Variants in TRIM39 observed in about 807,000 individuals in gnomAD.
TRIM39 encodes the protein tripartite motif containing 39.
TRIM39 carries 5 observed loss-of-function variants against 53.6 expected under a neutral mutation model. That is an observed-to-expected ratio of 0.09 (90% CI 0.05 to 0.20). The LOEUF (loss-of-function observed/expected upper bound fraction) is 0.20. Ranked by LOEUF, TRIM39 falls within the 10% of genes least tolerant of loss-of-function variation. TRIM39 has a pLI of 1.00. For synonymous variants in TRIM39, 196 were observed against 237.6 expected (o/e 0.82, Z 1.61); for missense variants, 310 against 621.0 (o/e 0.50, Z 5.32).
In TRIM39 at chr6:30,330,772, AC is replaced by A. The variant is rs1369830319; in HGVS notation, c.454-5del. On this transcript the variant is annotated splice_polypyrimidine_tract_variant and splice_region_variant and intron_variant, in intron 3 of 7. Coordinates refer to ENST00000396551, the Ensembl canonical transcript of TRIM39. ...ATGTCACCTCTCCCACTTCCTCCCTACCCCTCAGGAAAAACTGCAGAAGTGT... is the reference window on the plus strand; with the variant it reads ...ATGTCACCTCTCCCACTTCCTCCCTACCCTCAGGAAAAACTGCAGAAGTGT... The A allele has an allele frequency of 6.2e-7, 1 of 1,614,000 alleles. No homozygotes were observed. Among genetic ancestry groups the A allele is most frequent in the Non-Finnish European group, 8.5e-7 (1 of 1,179,940 alleles).
At chr6:30,331,791 A>G (rs1418055209) in intron 4 of TRIM39, among the ~76,000 whole-genome samples, 1 of 152,068 alleles carries the variant, frequency 6.6e-6, no homozygotes, top group East Asian at 1.9e-4. Context: ...TTTTCATACA[A>G]TTTTGCACCT....
chr6:30,338,523 T>A lies in TRIM39; in HGVS notation c.781-1385T>A, dbSNP rs932496344. ...ATATATTTATCGATTAAGTTGTTCG[T>A]CTTATATGGATGCAGTTCACAGTGC... On this transcript the variant is annotated intron_variant, in intron 5 of 7. Coordinates refer to ENST00000396551, the Ensembl canonical transcript of TRIM39. The surrounding 1 kb of genome is among the most constrained non-coding windows in gnomAD (Gnocchi z 4.0). 6.6e-6 allele frequency among the ~76,000 whole-genome samples: 1 copy of A among 151,196 alleles called. No individual in the cohort carries two copies. Among genetic ancestry groups the A allele is most frequent in the South Asian group, 2.1e-4 (1 of 4,760 alleles).
intron 3 of TRIM39, among the ~76,000 whole-genome samples, chr6:30,330,368 AACTT>A (rs767115262): frequency 6.6e-6 from 1 of 152,244 alleles, no homozygotes; most frequent in Non-Finnish European, 1.5e-5. Flanking sequence ...GATTTCAGGT[AACTT>A]ACAGTATAAT....
Position 30,339,963 on chromosome 6 carries a change from A to T in TRIM39, c.803+33A>T. The T allele has an allele frequency of 6.2e-7, 1 of 1,614,052 alleles. No individual in the cohort carries two copies. Among genetic ancestry groups the T allele is most frequent in the Non-Finnish European group, 8.5e-7 (1 of 1,179,988 alleles). On this transcript the variant is annotated intron_variant, in intron 6 of 7. Coordinates refer to ENST00000396551, the Ensembl canonical transcript of TRIM39. The surrounding 1 kb of genome is among the most constrained non-coding windows in gnomAD (Gnocchi z 4.2). ...ATTGTTGTATCTCTCTGAGTGAGTTAGGTCTTGGCTTAGAGAGGAGGGGTA... is the reference window on the plus strand; with the variant it reads ...ATTGTTGTATCTCTCTGAGTGAGTTTGGTCTTGGCTTAGAGAGGAGGGGTA...
Position 30,342,346 on chromosome 6 carries a change from C to G in TRIM39, c.*87C>G. 7.2e-7 allele frequency: 1 copy of G among 1,382,874 alleles called. No homozygotes were observed. Among genetic ancestry groups the G allele is most frequent in the Non-Finnish European group, 1.0e-6 (1 of 994,258 alleles). 85.7% of individuals were successfully genotyped at this position (1,382,874 alleles called of 1,614,324 possible). A position where few individuals can be genotyped will look rare whatever the true frequency, so the allele number is the denominator to read the frequency against. ...GTGTCCTGCTGGAACGTCTTCGTGT[C>G]CACCTGGGTCCAGTCCTGAATCATC... is the stretch of plus-strand genomic sequence containing the variant. On this transcript the variant is annotated 3_prime_UTR_variant, in exon 8 of 8. Coordinates refer to ENST00000396551, the Ensembl canonical transcript of TRIM39. The surrounding 1 kb of genome is among the most constrained non-coding windows in gnomAD (Gnocchi z 4.7).
At chr6:30,328,036 C>A (rs1024906646) in intron 1 of TRIM39, among the ~76,000 whole-genome samples, 3 of 152,178 alleles carry the variant, frequency 2.0e-5, no homozygotes, top group Non-Finnish European at 4.4e-5. Flanking sequence ...ATCAACTTAC[C>A]CATGGCTAAA....
intron 1 of TRIM39, among the ~76,000 whole-genome samples, chr6:30,327,909 A>G (rs1483569672): frequency 6.6e-6 from 1 of 152,220 alleles, no homozygotes; most frequent in African/African-American, 2.4e-5. Context: ...TTGTTAACCT[A>G]CCTCATTACA....
Position 30,339,198 on chromosome 6 carries a change from G to C in TRIM39, c.781-710G>C, listed in dbSNP as rs538517389. 6.6e-6 allele frequency among the ~76,000 whole-genome samples: 1 copy of C among 151,844 alleles called. No individual in the cohort carries two copies. Among genetic ancestry groups the C allele is most frequent in the East Asian group, 1.9e-4 (1 of 5,178 alleles). Reference sequence around the variant, plus strand: ...AGAGTCTTGCTCTGTCGCCCAGGCTGGAGTGCAGTGCATGATCTCGGCTCA... The same window carrying C: ...AGAGTCTTGCTCTGTCGCCCAGGCTCGAGTGCAGTGCATGATCTCGGCTCA... On this transcript the variant is annotated intron_variant, in intron 5 of 7. Coordinates refer to ENST00000396551, the Ensembl canonical transcript of TRIM39. This position sits in a 1 kb window ranked among gnomAD's most constrained non-coding sequence, Gnocchi z 4.2.
exon 1 of TRIM39, chr6:30,326,948 C>T (rs1408197057): frequency 6.6e-6 from 1 of 152,300 alleles, no homozygotes. Context: ...AGGGAGGCAG[C>T]GCTCCGGCGG....
intron 4 of TRIM39, among the ~76,000 whole-genome samples, chr6:30,334,275 T>G (rs1219047178): frequency 2.7e-5 from 4 of 148,872 alleles, no homozygotes; most frequent in African/African-American, 1.0e-4. Context: ...CTTCTCACTT[T>G]GCTTCATCAT....
intron 3 of TRIM39, 31 bp downstream of exon 3, chr6:30,329,801 G>T (rs1384268852): frequency 6.3e-7 from 1 of 1,594,776 alleles, no homozygotes; most frequent in Non-Finnish European, 8.6e-7. Context: ...TGTCAGTGTG[G>T]GTAAAAAGGG....
At chr6:30,329,819 G>A in intron 3 of TRIM39, 49 bp downstream of exon 3, 5 of 1,580,848 alleles carry the variant, frequency 3.2e-6, no homozygotes, top group Admixed American at 1.7e-5. Flanking sequence ...GGGAGAAGCG[G>A]CAGAGGATGA....
chr6:30,337,844 T>A (rs1007884804), intron 5 of TRIM39, among the ~76,000 whole-genome samples: 2 of 152,226 alleles, frequency 1.3e-5, no homozygotes, highest in African/African-American at 4.8e-5. Flanking sequence ...GGCTGTTTGT[T>A]GACATTGAAA....
exon 1 of TRIM39, chr6:30,326,578 G>C (rs1251121511): frequency 1.3e-5 from 2 of 152,512 alleles, no homozygotes; most frequent in Non-Finnish European, 2.9e-5. Context: ...GCCAGAGCCG[G>C]GGCCTGGAGC....
chr6:30,332,819 C>T (rs985797989), intron 4 of TRIM39, among the ~76,000 whole-genome samples: 1 of 152,148 alleles, frequency 6.6e-6, no homozygotes, highest in Non-Finnish European at 1.5e-5. Context: ...AAACTACCAC[C>T]AACATTCCTC....
chr6:30,331,201 G>A (rs972731423), intron 4 of TRIM39, among the ~76,000 whole-genome samples: 6 of 151,838 alleles, frequency 4.0e-5, no homozygotes, highest in Non-Finnish European at 7.4e-5. Flanking sequence ...CCTGGGAGGC[G>A]GAGGTTGCAG....
rs1787285287 is a variant in TRIM39 at position 30,339,852 on chromosome 6, C to T, written c.781-56C>T. ...TTGGGGAGGAGGGGGAACCTTTTGC[C>T]TTCAGGACCACTGAATACCAGGACC... On this transcript the variant is annotated intron_variant, in intron 5 of 7. Transcript: ENST00000396551. This position sits in a 1 kb window ranked among gnomAD's most constrained non-coding sequence, Gnocchi z 4.2. The T allele has an allele frequency of 5.6e-6, 9 of 1,612,522 alleles. No individual in the cohort carries two copies. Among genetic ancestry groups the T allele is most frequent in the Admixed American group, 5.0e-5 (3 of 59,880 alleles).
chr6:30,336,638 A>G (rs990273078), intron 5 of TRIM39, among the ~76,000 whole-genome samples: 24 of 152,204 alleles, frequency 1.6e-4, no homozygotes, highest in African/African-American at 5.8e-4. Flanking sequence ...GTTTAATAGC[A>G]TTTTACTCAC....
chr6:30,339,182 C>G lies in TRIM39; in HGVS notation c.781-726C>G, dbSNP rs1378684169. Among the ~76,000 whole-genome samples the G allele has an allele frequency of 6.6e-6, 1 of 151,476 alleles. No individual in the cohort carries two copies. Among genetic ancestry groups the G allele is most frequent in the African/African-American group, 2.4e-5 (1 of 41,154 alleles). On this transcript the variant is annotated intron_variant, in intron 5 of 7. Transcript: ENST00000396551. This position sits in a 1 kb window ranked among gnomAD's most constrained non-coding sequence, Gnocchi z 4.2. The stretch of plus-strand genomic sequence containing the variant: ...TTTTTTTTTTTCTGAGAGAGTCTTG[C>G]TCTGTCGCCCAGGCTGGAGTGCAGT...
Sources: allele counts gnomAD v4.1 joint callset (sites outside exome capture counted in the v4.1 genomes callset), GRCh38; gene constraint gnomAD v4.1.1; non-coding constraint Gnocchi (gnomAD v3.1); transcripts MANE v1.5; gene names NCBI Gene and HGNC (gene_info 2026-07-23, HGNC 2026-07-21).